Variants in OTX1 observed in about 807,000 individuals in gnomAD.
OTX1 encodes the protein homeobox protein OTX1.
A neutral mutation model predicts 26.7 loss-of-function variants in OTX1; 7 were observed. That is an observed-to-expected ratio of 0.26 (90% confidence interval 0.15 to 0.49). The LOEUF (loss-of-function observed/expected upper bound fraction) is 0.49, where lower values mean the gene tolerates loss of function less well. OTX1 is among the 20% of genes least tolerant of loss of function. The pLI, the probability that OTX1 is intolerant of heterozygous loss-of-function variation, is 0.98. For synonymous variants in OTX1, 216 were observed against 212.8 expected, an observed-to-expected ratio of 1.01 and a Z score of -0.13; for missense variants, 414 against 483.8, an observed-to-expected ratio of 0.86 and a Z score of 1.35.
chr2:63,056,515 C>T lies in OTX1; in HGVS notation c.*199C>T. 1 of 607,816 alleles carries T rather than the reference C, an allele frequency of 1.6e-6. No homozygotes were observed. The allele number at this position is 607,816 out of a possible 1,614,324, so 37.7% of individuals were successfully genotyped here. ...TGGGGGGATGTGCAAACCCACCCTG[C>T]CCCTTGGATGGGGGGACCGGTGCTT... On this transcript the variant is annotated 3_prime_UTR_variant, in exon 5 of 5. Coordinates refer to ENST00000282549, the MANE Select transcript of OTX1 (RefSeq NM_014562.4).
Position 63,056,344 on chromosome 2 carries a change from GC to G in OTX1, c.*29del. The G allele has an allele frequency of 1.9e-6, 3 of 1,567,834 alleles. No individual in the cohort carries two copies. Among genetic ancestry groups the G allele is most frequent in the Non-Finnish European group, 2.6e-6 (3 of 1,147,142 alleles). On this transcript the variant is annotated 3_prime_UTR_variant, in exon 5 of 5. Transcript: ENST00000282549. ...CCAGGAATGAAAGAGGAGAAGAAAC[GC>G]AACTACCTGCGCCCTCCGTGGTCCC...
rs142247365 is a variant in OTX1 at position 63,056,270 on chromosome 2, G to C, written c.1019G>C (p.Cys340Ser). ...AAACTCAACTTCAACTCCCCCGACT[G>C]TCTGGACTATAAGGACCAAGCCTCA... ...AWKLNFNSPD[C>S]LDYKDQASWR... Residue 340 changes from cysteine (C) to serine (S), a missense_variant, in exon 5 of 5, where the codon TGT (cysteine) becomes TCT (serine). Around this residue, in one of 3 missense-constraint regions of OTX1, gnomAD observed 320 missense variants for 347.9 expected, o/e 0.92. Coordinates refer to ENST00000282549, the MANE Select transcript of OTX1 (RefSeq NM_014562.4). The C allele has an allele frequency of 5.6e-6, 9 of 1,614,002 alleles. No individual in the cohort carries two copies. The highest frequency in any genetic ancestry group is 7.6e-6 in the Non-Finnish European group (9 of 1,180,026).
At position 63,055,990 on chromosome 2, in the gene OTX1, G is replaced by C. The variant is rs746803954; in HGVS notation, c.739G>C (p.Asp247His). The stretch of plus-strand genomic sequence containing the variant: ...CTCCTCTTCCTACTTTGGCGGCGTG[G>C]ACTGCAGCTCATACCTAGCGCCCAT... ...TPSSSYFGGVDCSSYLAPMHS... is the reference protein window; with the variant it reads ...TPSSSYFGGVHCSSYLAPMHS... The change falls in exon 5 of 5, where the codon GAC becomes CAC. Residue 247 changes from aspartate (D) to histidine (H), a missense_variant. Coordinates refer to ENST00000282549, the MANE Select transcript of OTX1 (RefSeq NM_014562.4). This position sits in a 1 kb window ranked among gnomAD's most constrained non-coding sequence, Gnocchi z 5.2. 1 of 1,613,872 alleles carries C rather than the reference G, an allele frequency of 6.2e-7. No homozygotes were observed. The highest frequency in any genetic ancestry group is 8.5e-7 in the Non-Finnish European group (1 of 1,180,032).
chr2:63,054,275 T>C, intron 4 of OTX1, 77 bp downstream of exon 4: 2 of 1,437,738 alleles, frequency 1.4e-6, no homozygotes, highest in Non-Finnish European at 1.8e-6. Flanking sequence ...GGCTCTTGAG[T>C]AGTTCTTGAG....
Position 63,056,130 on chromosome 2 carries a change from C to CCACCACCAT in OTX1, c.888_896dup (p.His299_His301dup), listed in dbSNP as rs1559120026. 6.2e-7 allele frequency: 1 copy of CCACCACCAT among 1,613,974 alleles called. No individual in the cohort carries two copies. Among genetic ancestry groups the CCACCACCAT allele is most frequent in the Non-Finnish European group, 8.5e-7 (1 of 1,179,986 alleles). On this transcript the variant is annotated inframe_insertion, in exon 5 of 5. Coordinates refer to ENST00000282549, the MANE Select transcript of OTX1 (RefSeq NM_014562.4). ...CGTTGAGCCAGTCCTCAGGCCACCACCACCACCATCACCACCACCACCACC... is the reference window on the plus strand; with the variant it reads ...CGTTGAGCCAGTCCTCAGGCCACCACCACCACCATCACCACCATCACCACCACCACCACC...
chr2:63,053,992 A>G, intron 3 of OTX1, 55 bp from the exon 4 acceptor site: 1 of 1,589,196 alleles, frequency 6.3e-7, no homozygotes, highest in Non-Finnish European at 8.6e-7. Flanking sequence ...CGAGTCCTCT[A>G]TCGCGGGTCC....
intron 2 of OTX1, chr2:63,052,276 G>A (rs1004171124): frequency 1.2e-4 from 19 of 152,784 alleles, no homozygotes; most frequent in African/African-American, 4.6e-4. Context: ...GTTGAGGTGC[G>A]GTGGGATTTC....
In OTX1 at chr2:63,057,495, CAA is replaced by C. The variant is rs1007383257; in HGVS notation, c.*1182_*1183del. The stretch of plus-strand genomic sequence containing the variant: ...AAACCAAAACCAGGGAACAAAACAA[CAA>C]AACAAAACAAAATCCGTAAAAGTAC... On this transcript the variant is annotated 3_prime_UTR_variant, in exon 5 of 5. Transcript: ENST00000282549. The C allele has an allele frequency of 1.3e-5, 2 of 152,250 alleles. No homozygotes were observed. Among genetic ancestry groups the C allele is most frequent in the Admixed American group, 6.5e-5 (1 of 15,278 alleles). The allele number at this position is 152,250 out of a possible 1,614,324, so 9.4% of individuals were successfully genotyped here.
Position 63,054,045 on chromosome 2 carries a change from A to G in OTX1, c.98-2A>G. On this transcript the variant is annotated splice_acceptor_variant, in intron 3 of 4. Coordinates refer to ENST00000282549, the MANE Select transcript of OTX1 (RefSeq NM_014562.4). LOFTEE classifies it high-confidence loss of function. ...CCGCGGCGCCCCCGCGTGTCCCCGC[A>G]GCCACTCCGCGGAAGCAGCGGCGGG... 6.2e-7 allele frequency: 1 copy of G among 1,609,324 alleles called. No homozygotes were observed.
chr2:63,057,492 C>G lies in OTX1; in HGVS notation c.*1176C>G, dbSNP rs888833425. 1.3e-5 allele frequency: 2 copies of G among 152,300 alleles called. No individual in the cohort carries two copies. The highest frequency in any genetic ancestry group is 2.9e-5 in the Non-Finnish European group (2 of 68,136). The allele number at this position is 152,300 out of a possible 1,614,324, so 9.4% of individuals were successfully genotyped here. ...AGAAAACCAAAACCAGGGAACAAAACAACAAAACAAAACAAAATCCGTAAA... is the reference window on the plus strand; with the variant it reads ...AGAAAACCAAAACCAGGGAACAAAAGAACAAAACAAAACAAAATCCGTAAA... On this transcript the variant is annotated 3_prime_UTR_variant, in exon 5 of 5. Coordinates refer to ENST00000282549, the MANE Select transcript of OTX1 (RefSeq NM_014562.4).
At chr2:63,053,112 G>GC (rs1390743600) in intron 3 of OTX1, 25 bp downstream of exon 3, 2 of 1,458,970 alleles carry the variant, frequency 1.4e-6, no homozygotes, top group Non-Finnish European at 9.2e-7. Context: ...TCCCGACCCT[G>GC]CCTCAGCCTC....
In OTX1 at chr2:63,053,471, A is replaced by G. The variant is rs139519388; in HGVS notation, c.97+384A>G. 138 of 206,310 alleles carry G rather than the reference A, an allele frequency of 6.7e-4. 2 individuals carry two copies. Among genetic ancestry groups the G allele is most frequent in the African/African-American group, 2.9e-3 (124 of 43,446 alleles). 12.8% of individuals were successfully genotyped at this position (206,310 alleles called of 1,614,324 possible). On this transcript the variant is annotated intron_variant, in intron 3 of 4. Coordinates refer to ENST00000282549, the MANE Select transcript of OTX1 (RefSeq NM_014562.4). ...TCGTTAGGCCCTGACAGAAAGAGCCAAACTTTCCTTATGCGAAGCGGCAGG... is the reference window on the plus strand; with the variant it reads ...TCGTTAGGCCCTGACAGAAAGAGCCGAACTTTCCTTATGCGAAGCGGCAGG...
At chr2:63,052,526 C>A (rs1284246273) in intron 2 of OTX1, among the ~76,000 whole-genome samples, 3 of 152,352 alleles carry the variant, frequency 2.0e-5, no homozygotes, top group Non-Finnish European at 2.9e-5. Context: ...CCAAGTGAAC[C>A]TTTGCTTGTG....
chr2:63,050,623 T>G (rs1487575949), upstream of OTX1: 1 of 144,170 alleles, frequency 6.9e-6, no homozygotes, highest in Non-Finnish European at 1.5e-5. Context: ...GTCCCGGAGT[T>G]AGCGCGCGAC....
rs1251846123 is a variant in OTX1 at position 63,056,032 on chromosome 2, C to A, written c.781C>A (p.Pro261Thr). ...AGCGCCCATGCACTCACATCACCACCCGCACCAGCTCAGCCCCATGGCACC... is the reference window on the plus strand; with the variant it reads ...AGCGCCCATGCACTCACATCACCACACGCACCAGCTCAGCCCCATGGCACC... Reference protein sequence around the residue: ...YLAPMHSHHHPHQLSPMAPSS... With the variant: ...YLAPMHSHHHTHQLSPMAPSS... The change falls in exon 5 of 5, where the codon CCG becomes ACG. Residue 261 changes from proline to threonine, a missense_variant. Physicochemically the swap from Pro to Thr is conservative, Grantham distance 38 (BLOSUM62 -1). Around this residue, in one of 3 missense-constraint regions of OTX1, gnomAD observed 320 missense variants for 347.9 expected, o/e 0.92. Transcript: ENST00000282549. 6.2e-7 allele frequency: 1 copy of A among 1,613,500 alleles called. No homozygotes were observed. The highest frequency in any genetic ancestry group is 1.1e-5 in the South Asian group (1 of 91,044).
At chr2:63,053,121 T>A (rs2062037907) in intron 3 of OTX1, 34 bp downstream of exon 3, 31 of 1,416,338 alleles carry the variant, frequency 2.2e-5, no homozygotes, top group Non-Finnish European at 2.9e-5. Context: ...TGCCTCAGCC[T>A]CTCAAATGTT....
chr2:63,051,697 G>C (rs1261759689), intron 2 of OTX1: 4 of 152,578 alleles, frequency 2.6e-5, no homozygotes, highest in Non-Finnish European at 5.9e-5. Flanking sequence ...CCCAGAAGAC[G>C]GGGGCGGGAA....
At position 63,055,791 on chromosome 2, in the gene OTX1, C is replaced by T. The variant is rs778152575; in HGVS notation, c.540C>T (p.Ala180=). The T allele has an allele frequency of 1.9e-5, 31 of 1,612,412 alleles. No individual in the cohort carries two copies. In the South Asian group the frequency reaches 3.3e-4, roughly 17 times the overall value. The stretch of plus-strand genomic sequence containing the variant: ...CTGCCTCATCTATCTGGAGCCCGGC[C>T]TCCATCTCGCCAGGCTCAGCGCCCG... ...TPAASSIWSP[A]SISPGSAPAS... is the part of the protein sequence containing the mutation. The change falls in exon 5 of 5, where the codon GCC becomes GCT. Residue 180 remains alanine (A), a synonymous_variant. Transcript: ENST00000282549. This position sits in a 1 kb window ranked among gnomAD's most constrained non-coding sequence, Gnocchi z 5.2.
chr2:63,050,253 A>G (rs1202568837), upstream of OTX1: 1 of 152,126 alleles, frequency 6.6e-6, no homozygotes, highest in Non-Finnish European at 1.5e-5. Flanking sequence ...CGCGCTCTGC[A>G]AAGTAGCCTG....
Sources: gnomAD v4.1 joint callset for allele counts (sites outside exome capture counted in the v4.1 genomes callset) on GRCh38, gnomAD v4.1.1 for gene constraint, gnomAD v4.1.1 regional missense constraint, Gnocchi (gnomAD v3.1) non-coding constraint, MANE v1.5 for transcripts, NCBI Gene and HGNC (gene_info 2026-07-23, HGNC 2026-07-21) for gene names.